MOCOS: variants seen among roughly 807,000 people sequenced by gnomAD.
MOCOS encodes the protein molybdenum cofactor sulfurase.
In MOCOS, 86 loss-of-function variants were observed where a neutral mutation model predicts 83.6. That is an observed-to-expected ratio of 1.03 (90% CI 0.86 to 1.23). The LOEUF (loss-of-function observed/expected upper bound fraction) is 1.23, where lower values mean the gene tolerates loss of function less well. Among genes scored for constraint, MOCOS ranks in the 50% most tolerant of loss-of-function variants. MOCOS has a pLI of 0.00. For missense variants in MOCOS, 1,120 were observed against 1,126.9 expected (o/e 0.99, Z 0.09); for synonymous variants, 445 against 434.7 (o/e 1.02, Z -0.29).
chr18:36,193,667 C>T (rs926122079), intron 1 of MOCOS, among the ~76,000 whole-genome samples: 1 of 152,106 alleles, frequency 6.6e-6, no homozygotes, highest in African/African-American at 2.4e-5. Flanking sequence ...ATCACTAGGA[C>T]CTTGTTGAAT....
At position 36,205,399 on chromosome 18, in the gene MOCOS, T is replaced by C. The variant is rs1303785700; in HGVS notation, c.1218+123T>C. On this transcript the variant is annotated intron_variant, in intron 6 of 14. Transcript: ENST00000261326. ...CCACCAGGCCCTCAGCCACATGCCT[T>C]TCCACCTTCATTCACCCTCGTTTTT... 4 of 990,674 alleles carry C rather than the reference T, an allele frequency of 4.0e-6. No homozygotes were observed. In the African/African-American group the frequency reaches 6.3e-5, roughly 16 times the overall value. 61.4% of individuals were successfully genotyped at this position (990,674 alleles called of 1,614,324 possible). A position where few individuals can be genotyped will look rare whatever the true frequency, so the allele number is the denominator to read the frequency against.
intron 2 of MOCOS, 109 bp downstream of exon 2, chr18:36,195,455 T>G: frequency 9.7e-7 from 1 of 1,035,218 alleles, no homozygotes; most frequent in East Asian, 2.5e-5. Flanking sequence ...CACAAAAAGC[T>G]GAATAAGCCC....
intron 12 of MOCOS, 111 bp downstream of exon 12, chr18:36,257,184 T>A: frequency 2.1e-6 from 2 of 942,070 alleles, no homozygotes; most frequent in Non-Finnish European, 3.5e-6. Flanking sequence ...AGTTCAGCCC[T>A]GCTTCATGTA....
chr18:36,265,482 A>G (rs1361574702), intron 13 of MOCOS, among the ~76,000 whole-genome samples: 1 of 152,224 alleles, frequency 6.6e-6, no homozygotes, highest in Non-Finnish European at 1.5e-5. Flanking sequence ...ATTTCAGTGC[A>G]TAATTTGTAT....
intron 2 of MOCOS, among the ~76,000 whole-genome samples, chr18:36,198,011 T>C (rs923652285): frequency 1.3e-5 from 2 of 152,214 alleles, no homozygotes; most frequent in African/African-American, 4.8e-5. Context: ...ATTATGTATA[T>C]TCTTGTGTCT....
Position 36,268,877 on chromosome 18 carries a change from G to C in MOCOS, c.*192G>C. 1.6e-6 allele frequency: 1 copy of C among 606,122 alleles called. No individual in the cohort carries two copies. The highest frequency in any genetic ancestry group is 2.9e-6 in the Non-Finnish European group (1 of 344,190). The allele number at this position is 606,122 out of a possible 1,614,324, so 37.5% of individuals were successfully genotyped here. On this transcript the variant is annotated 3_prime_UTR_variant, in exon 15 of 15. Coordinates refer to ENST00000261326, the MANE Select transcript of MOCOS (RefSeq NM_017947.4). The stretch of plus-strand genomic sequence containing the variant: ...AAATTTGCACTGGCTGTGCTCAGGA[G>C]AGCACTTCTGAGGCCTCAGGAACGA...
In MOCOS at chr18:36,198,696, C is replaced by T. The variant is rs62103121; in HGVS notation, c.239C>T (p.Pro80Leu). ...SDLMENTYGN[P>L]HSQNISSKLT... ...TGTCTTTGTAACCTGCCAGGTAATC[C>T]TCACAGCCAGAACATCAGCAGCAAG... is the stretch of plus-strand genomic sequence containing the variant. Residue 80 changes from proline to leucine, a missense_variant, in exon 3 of 15, where the codon CCT (proline) becomes CTT (leucine). Physicochemically the swap from Pro to Leu is moderately conservative, Grantham distance 98. Transcript: ENST00000261326. 9 of 1,614,144 alleles carry T rather than the reference C, an allele frequency of 5.6e-6. No individual in the cohort carries two copies. Among genetic ancestry groups the T allele is most frequent in the Non-Finnish European group, 7.6e-6 (9 of 1,180,014 alleles).
At chr18:36,193,937 C>A (rs1380610465) in intron 1 of MOCOS, among the ~76,000 whole-genome samples, 1 of 152,136 alleles carries the variant, frequency 6.6e-6, no homozygotes, top group Non-Finnish European at 1.5e-5. Flanking sequence ...TATATTCATA[C>A]AATGGAATAC....
intron 1 of MOCOS, among the ~76,000 whole-genome samples, chr18:36,190,625 T>G (rs565951632): frequency 9.2e-4 from 139 of 151,862 alleles, no homozygotes; most frequent in African/African-American, 2.5e-3. Flanking sequence ...AGCTCATGCC[T>G]AAAGTCCCAG....
intron 9 of MOCOS, among the ~76,000 whole-genome samples, chr18:36,247,602 A>G (rs2091606938): frequency 6.6e-6 from 1 of 152,094 alleles, no homozygotes. Flanking sequence ...TTCTACTTTT[A>G]TATTTTGCTT....
intron 9 of MOCOS, among the ~76,000 whole-genome samples, chr18:36,238,412 C>A (rs376904600): frequency 1.3e-3 from 200 of 149,380 alleles, no homozygotes; most frequent in South Asian, 1.1e-3. Context: ...ATTCAGGAGC[C>A]GGTTGTTCAG....
intron 1 of MOCOS, among the ~76,000 whole-genome samples, chr18:36,194,998 G>T (rs114879696): frequency 3.9e-5 from 6 of 152,224 alleles, no homozygotes; most frequent in Non-Finnish European, 8.8e-5. Context: ...TCTTCTCTGT[G>T]TGGGATGCTG....
chr18:36,195,541 G>T (rs1483269355), intron 2 of MOCOS, among the ~76,000 whole-genome samples, 195 bp downstream of exon 2: 2 of 152,176 alleles, frequency 1.3e-5, no homozygotes, highest in African/African-American at 4.8e-5. Flanking sequence ...GAGGGAGCTG[G>T]CTCAGGGACA....
At chr18:36,241,529 C>G (rs1466643590) in intron 9 of MOCOS, among the ~76,000 whole-genome samples, 1 of 152,192 alleles carries the variant, frequency 6.6e-6, no homozygotes, top group Non-Finnish European at 1.5e-5. Flanking sequence ...AGTGATGGGG[C>G]TTTTCCAGGT....
chr18:36,251,515 C>T (rs915925492), intron 11 of MOCOS, among the ~76,000 whole-genome samples: 1 of 152,032 alleles, frequency 6.6e-6, no homozygotes, highest in African/African-American at 2.4e-5. Flanking sequence ...CAGCCTCTGC[C>T]CAAACATTCA....
chr18:36,200,343 A>AG lies in MOCOS; in HGVS notation c.941+23dup. The AG allele has an allele frequency of 6.2e-7, 1 of 1,613,474 alleles. No individual in the cohort carries two copies. Among genetic ancestry groups the AG allele is most frequent in the Non-Finnish European group, 8.5e-7 (1 of 1,179,934 alleles). On this transcript the variant is annotated intron_variant, in intron 4 of 14. Coordinates refer to ENST00000261326, the MANE Select transcript of MOCOS (RefSeq NM_017947.4). ...CTCAGAGGTAACCTTGCCACAGGGG[A>AG]GGGGTCAGAGGAGTTCAGCAAGGTG...
intron 9 of MOCOS, 65 bp downstream of exon 9, chr18:36,220,282 A>C (rs2091491245): frequency 6.3e-7 from 1 of 1,583,448 alleles, no homozygotes; most frequent in Non-Finnish European, 8.6e-7. Flanking sequence ...CATATGAAAT[A>C]CTCTACCAAG....
At chr18:36,201,245 G>A (rs1299910590) in intron 4 of MOCOS, among the ~76,000 whole-genome samples, 1 of 152,248 alleles carries the variant, frequency 6.6e-6, no homozygotes, top group African/African-American at 2.4e-5. Context: ...CTTGACGATA[G>A]AGTCAGTGTT....
intron 7 of MOCOS, among the ~76,000 whole-genome samples, chr18:36,214,258 A>AAG (rs1555652312): frequency 0.01 from 403 of 39,942 alleles, 1 homozygote; most frequent in African/African-American, 0.014. Flanking sequence ...AAAAAAAAAA[A>AAG]AAAAGAAAAG....
Sources: gnomAD v4.1 joint callset for allele counts (sites outside exome capture counted in the v4.1 genomes callset) on GRCh38, gnomAD v4.1.1 for gene constraint, MANE v1.5 for transcripts, NCBI Gene and HGNC (gene_info 2026-07-23, HGNC 2026-07-21) for gene names.